Variants in TDP2 observed in about 807,000 individuals in gnomAD.
TDP2 encodes the protein tyrosyl-DNA phosphodiesterase 2.
Under a neutral mutation model 42.8 loss-of-function variants are expected in TDP2, and 38 were observed. That is an observed-to-expected ratio of 0.89 (90% CI 0.68 to 1.16). The LOEUF is 1.16. Ranked by LOEUF, TDP2 falls within the 50% of genes most tolerant of loss-of-function variation. TDP2 has a pLI of 0.00. For missense variants in TDP2, 439 were observed against 439.3 expected (o/e 1.00, Z 0.01); for synonymous variants, 173 against 150.6 (o/e 1.15, Z -1.09).
rs978742976 is a variant in TDP2 at position 24,657,813 on chromosome 6, T to C, written c.516A>G (p.Thr172=). The part of the protein sequence containing the change: ...KKRSSNYEII[T]GHEEGYFTAI... Reference sequence around the variant, plus strand: ...AAGTTGAATAACAAAAATTGTTACCTGTAATAATCTCATAATTACTTGATC... The same window carrying C: ...AAGTTGAATAACAAAAATTGTTACCCGTAATAATCTCATAATTACTTGATC... Residue 172 remains threonine (T), a splice_region_variant and synonymous_variant, in exon 4 of 7, where the codon ACA becomes ACG. Coordinates refer to ENST00000378198, the MANE Select transcript of TDP2 (RefSeq NM_016614.3). The C allele has an allele frequency of 8.0e-6, 12 of 1,504,332 alleles. No homozygotes were observed. Among genetic ancestry groups the C allele is most frequent in the African/African-American group, 1.4e-5 (1 of 70,298 alleles). 93.2% of individuals were successfully genotyped at this position (1,504,332 alleles called of 1,614,324 possible).
At chr6:24,661,795 T>G (rs570326950) in intron 2 of TDP2, among the ~76,000 whole-genome samples, 1 of 149,264 alleles carries the variant, frequency 6.7e-6, no homozygotes, top group East Asian at 2.0e-4. Context: ...AATGAGCTAT[T>G]AGACTTTTTT....
intron 6 of TDP2, among the ~76,000 whole-genome samples, chr6:24,652,455 G>A (rs1777988797): frequency 6.6e-6 from 1 of 152,072 alleles, no homozygotes; most frequent in South Asian, 2.1e-4. Flanking sequence ...AAATCCCACT[G>A]TGTCTCAACT....
chr6:24,653,866 T>TG (rs1276735776), intron 5 of TDP2, among the ~76,000 whole-genome samples: 1 of 152,238 alleles, frequency 6.6e-6, no homozygotes, highest in Admixed American at 6.5e-5. Flanking sequence ...TTTCTCTACT[T>TG]GGACTCTTTT....
At chr6:24,665,748 C>G (rs1434709208) in intron 2 of TDP2, among the ~76,000 whole-genome samples, 3 of 152,048 alleles carry the variant, frequency 2.0e-5, no homozygotes, top group Non-Finnish European at 4.4e-5. Flanking sequence ...AGGGGTCATG[C>G]AGGATGCTAT....
Position 24,657,866 on chromosome 6 carries a change from G to C in TDP2, c.463C>G (p.Pro155Ala). The C allele has an allele frequency of 6.3e-7, 1 of 1,583,820 alleles. No individual in the cohort carries two copies. The highest frequency in any genetic ancestry group is 8.6e-7 in the Non-Finnish European group (1 of 1,164,020). The change falls in exon 4 of 7, where the codon CCC (proline) becomes GCC (alanine). Residue 155 changes from proline to alanine, a missense_variant. Physicochemically the swap from Pro to Ala is conservative, Grantham distance 27. Coordinates refer to ENST00000378198, the MANE Select transcript of TDP2 (RefSeq NM_016614.3). ...PDVIFLQEVI[P>A]PYYSYLKKRS... The stretch of plus-strand genomic sequence containing the variant: ...TTCTTTAGGTAGCTATAATATGGGG[G>C]AATAACTTCCTGTAGAAATATCACA...
chr6:24,662,256 G>C (rs768177475), intron 2 of TDP2, among the ~76,000 whole-genome samples: 4 of 151,966 alleles, frequency 2.6e-5, no homozygotes, highest in Non-Finnish European at 4.4e-5. Context: ...GTGTTGAGGA[G>C]GATTAGTGAA....
chr6:24,658,143 T>G (rs771116075), intron 3 of TDP2, among the ~76,000 whole-genome samples: 2 of 152,232 alleles, frequency 1.3e-5, no homozygotes, highest in African/African-American at 2.4e-5. Flanking sequence ...AACCGCCATA[T>G]TGAGAGACTT....
intron 2 of TDP2, 112 bp downstream of exon 2, chr6:24,666,414 G>A: frequency 7.0e-7 from 1 of 1,438,372 alleles, no homozygotes; most frequent in Non-Finnish European, 9.7e-7. Flanking sequence ...GCAGCTTGGA[G>A]ATCTGCCTCA....
chr6:24,657,204 T>C (rs549072756), intron 4 of TDP2, among the ~76,000 whole-genome samples: 1 of 152,280 alleles, frequency 6.6e-6, no homozygotes, highest in South Asian at 2.1e-4. Context: ...TCCCAGGACA[T>C]GAAACCTGCA....
chr6:24,665,650 A>C (rs1778218117), intron 2 of TDP2, among the ~76,000 whole-genome samples: 1 of 152,212 alleles, frequency 6.6e-6, no homozygotes, highest in Non-Finnish European at 1.5e-5. Context: ...AACAATGTAC[A>C]AAACAGATAC....
intron 2 of TDP2, among the ~76,000 whole-genome samples, chr6:24,665,357 A>C (rs1448399344): frequency 6.6e-6 from 1 of 152,240 alleles, no homozygotes; most frequent in Admixed American, 6.5e-5. Context: ...AACACCTCCT[A>C]GTCCAACTTG....
chr6:24,663,529 G>A (rs1231903769), intron 2 of TDP2, among the ~76,000 whole-genome samples: 3 of 152,120 alleles, frequency 2.0e-5, no homozygotes, highest in African/African-American at 4.8e-5. Context: ...GATATAATCC[G>A]TAATGTTGGT....
intron 2 of TDP2, among the ~76,000 whole-genome samples, chr6:24,665,259 C>G (rs1778212024): frequency 6.6e-6 from 1 of 152,208 alleles, no homozygotes; most frequent in Admixed American, 6.5e-5. Context: ...GTTACAGTTC[C>G]AGCTCCATAG....
intron 1 of TDP2, 41 bp from the exon 2 acceptor site, chr6:24,666,652 A>C (rs201203124): frequency 6.2e-7 from 1 of 1,613,924 alleles, no homozygotes; most frequent in African/African-American, 1.3e-5. Flanking sequence ...TGTGCGCTCC[A>C]CCGACCTAGG....
chr6:24,662,894 T>C (rs1778175770), intron 2 of TDP2, among the ~76,000 whole-genome samples: 1 of 152,232 alleles, frequency 6.6e-6, no homozygotes, highest in East Asian at 1.9e-4. Flanking sequence ...AATTATTAGC[T>C]CTTTATTTCT....
chr6:24,654,355 C>T (rs550439162), intron 5 of TDP2, 57 bp downstream of exon 5: 3 of 941,334 alleles, frequency 3.2e-6, no homozygotes, highest in African/African-American at 3.4e-5. Flanking sequence ...AATAATAACA[C>T]AAAACTATGA....
chr6:24,658,804 G>A lies in TDP2; in HGVS notation c.252-70C>T, dbSNP rs924651915. On this transcript the variant is annotated intron_variant, in intron 2 of 6. Coordinates refer to ENST00000378198, the MANE Select transcript of TDP2 (RefSeq NM_016614.3). ...ATTGATTAAGAATTATTTTGTATTT[G>A]TAGCCCTCATTTTACAGACAAATTT... 1.5e-4 allele frequency: 228 copies of A among 1,485,242 alleles called. 1 individual carries two copies. The highest frequency in any genetic ancestry group is 7.2e-4 in the Admixed American group (35 of 48,402). 92.0% of individuals were successfully genotyped at this position (1,485,242 alleles called of 1,614,324 possible). A position where few individuals can be genotyped will look rare whatever the true frequency, so the allele number is the denominator to read the frequency against.
At chr6:24,658,837 G>T (rs1301511465) in intron 2 of TDP2, 103 bp from the exon 3 acceptor site, 1 of 1,222,120 alleles carries the variant, frequency 8.2e-7, no homozygotes, top group Non-Finnish European at 1.1e-6. Flanking sequence ...TTTTAAAAGA[G>T]CCCTAAAAGT....
intron 5 of TDP2, 56 bp from the exon 6 acceptor site, chr6:24,653,209 T>C: frequency 6.5e-7 from 1 of 1,546,724 alleles, no homozygotes; most frequent in South Asian, 1.1e-5. Flanking sequence ...TACTGAACTT[T>C]AATAATAAAA....
Sources: allele counts gnomAD v4.1 joint callset (sites outside exome capture counted in the v4.1 genomes callset), GRCh38; gene constraint gnomAD v4.1.1; transcripts MANE v1.5; gene names NCBI Gene and HGNC (gene_info 2026-07-23, HGNC 2026-07-21).